Variants in PRPSAP2 observed in about 807,000 individuals in gnomAD.
PRPSAP2 encodes phosphoribosyl pyrophosphate synthetase associated protein 2, also known as phosphoribosyl pyrophosphate synthase-associated protein 2.
A neutral mutation model predicts 40.6 loss-of-function variants in PRPSAP2; 24 were observed. That is an observed-to-expected ratio of 0.59 (90% CI 0.43 to 0.83). The LOEUF is 0.83. Ranked by LOEUF, PRPSAP2 falls within the 40% of genes least tolerant of loss-of-function variation. The probability of loss-of-function intolerance (pLI) is 0.00; values close to 1 mark genes in which losing one functional copy is unlikely to be tolerated. For synonymous variants in PRPSAP2, 149 were observed against 164.7 expected (o/e 0.90, Z 0.73); for missense variants, 292 against 465.6 (o/e 0.63, Z 3.43).
At chr17:18,905,186 G>A (rs1385432904) in intron 8 of PRPSAP2, 1 of 151,974 alleles carries the variant, frequency 6.6e-6, no homozygotes, top group East Asian at 1.9e-4. Flanking sequence ...ACCATGCCTG[G>A]GTAATTTTTT....
intron 1 of PRPSAP2, chr17:18,861,503 C>T (rs2037016598): frequency 6.6e-6 from 1 of 151,874 alleles, no homozygotes; most frequent in Non-Finnish European, 1.5e-5. Flanking sequence ...ATAAACAGCC[C>T]TTATGTTTGA....
chr17:18,916,401 A>G (rs1240258036), intron 9 of PRPSAP2, among the ~76,000 whole-genome samples: 2 of 147,790 alleles, frequency 1.4e-5, no homozygotes, highest in Non-Finnish European at 3.0e-5. Context: ...TTGAGACGGA[A>G]TTTCGCTCTT....
At chr17:18,872,159 G>A (rs1232268461) in intron 4 of PRPSAP2, among the ~76,000 whole-genome samples, 2 of 151,942 alleles carry the variant, frequency 1.3e-5, no homozygotes, top group Non-Finnish European at 2.9e-5. Context: ...TGTAGTTCCA[G>A]CCACTCGGGA....
chr17:18,868,576 A>G (rs2037602637), intron 4 of PRPSAP2, among the ~76,000 whole-genome samples: 1 of 152,096 alleles, frequency 6.6e-6, no homozygotes, highest in African/African-American at 2.4e-5. Flanking sequence ...AAGTTATTTA[A>G]CCTTTCTAAA....
chr17:18,913,175 C>T (rs1275648869), intron 9 of PRPSAP2, among the ~76,000 whole-genome samples: 1 of 152,182 alleles, frequency 6.6e-6, no homozygotes, highest in East Asian at 1.9e-4. Flanking sequence ...CTCTGGTGGC[C>T]CTGCCCTTGT....
At position 18,867,699 on chromosome 17, in the gene PRPSAP2, C is replaced by T. The variant is rs115752597; in HGVS notation, c.172+365C>T. ...TCACCTTAGACAGGATGACTAAATC[C>T]TGTGTGACCGCAGTTTTAGTTAGTC... On this transcript the variant is annotated intron_variant, in intron 4 of 11. Coordinates refer to ENST00000268835, the MANE Select transcript of PRPSAP2 (RefSeq NM_002767.4). Among the ~76,000 whole-genome samples, 351 of 152,292 alleles carry T rather than the reference C, an allele frequency of 2.3e-3. 2 individuals are homozygous for T. The highest frequency in any genetic ancestry group is 8.1e-3 in the African/African-American group (338 of 41,564).
chr17:18,866,119 A>G (rs1480659819), intron 3 of PRPSAP2, among the ~76,000 whole-genome samples, 167 bp downstream of exon 3: 2 of 151,902 alleles, frequency 1.3e-5, no homozygotes, highest in African/African-American at 2.4e-5. Context: ...CAAGATGTTC[A>G]TGTAGTATGT....
intron 8 of PRPSAP2, among the ~76,000 whole-genome samples, chr17:18,900,966 A>T (rs1185076007): frequency 2.0e-5 from 3 of 152,040 alleles, no homozygotes; most frequent in African/African-American, 7.2e-5. Context: ...AGTGAGGGTG[A>T]AAGTCCCAGC....
intron 8 of PRPSAP2, among the ~76,000 whole-genome samples, chr17:18,897,294 T>G (rs1435139105): frequency 6.6e-6 from 1 of 152,190 alleles, no homozygotes; most frequent in Non-Finnish European, 1.5e-5. Context: ...GCTGTTTTTC[T>G]TAAACACTCC....
intron 4 of PRPSAP2, among the ~76,000 whole-genome samples, chr17:18,872,121 CAGTT>C (rs1268152905): frequency 2.0e-5 from 3 of 151,900 alleles, no homozygotes; most frequent in Non-Finnish European, 2.9e-5. Context: ...AAATACAAAA[CAGTT>C]AGCTGGATGT....
intron 8 of PRPSAP2, chr17:18,908,750 T>A: frequency 1.4e-6 from 1 of 726,584 alleles, no homozygotes; most frequent in Non-Finnish European, 2.5e-6. Flanking sequence ...AAGAAAGAGA[T>A]CGGAGAGAAA....
chr17:18,911,365 T>G lies in PRPSAP2; in HGVS notation c.733+114T>G, dbSNP rs1184865883. On this transcript the variant is annotated intron_variant, in intron 9 of 11. Transcript: ENST00000268835. This position sits in a 1 kb window ranked among gnomAD's most constrained non-coding sequence, Gnocchi z 4.5. ...TTTTTTTTTAGTTGGCAAAAACTCA[T>G]TAACACCTTTCTTGGCCAGATAGTA... 1.6e-6 allele frequency: 2 copies of G among 1,274,232 alleles called. No homozygotes were observed. Among genetic ancestry groups the G allele is most frequent in the Non-Finnish European group, 1.1e-6 (1 of 944,936 alleles). 78.9% of individuals were successfully genotyped at this position (1,274,232 alleles called of 1,614,324 possible). A position where few individuals can be genotyped will look rare whatever the true frequency, so the allele number is the denominator to read the frequency against.
intron 5 of PRPSAP2, among the ~76,000 whole-genome samples, chr17:18,875,881 CCA>C (rs2038263684): frequency 1.3e-5 from 2 of 151,504 alleles, no homozygotes; most frequent in South Asian, 4.2e-4. Flanking sequence ...GCCTGTAATC[CCA>C]CCACTTTGGG....
chr17:18,915,086 G>A (rs1192518366), intron 9 of PRPSAP2, among the ~76,000 whole-genome samples: 1 of 146,836 alleles, frequency 6.8e-6, no homozygotes, highest in Non-Finnish European at 1.5e-5. Context: ...GTGCAGTGGT[G>A]TGATCACAGC....
chr17:18,887,337 C>T (rs2039240312), intron 7 of PRPSAP2, among the ~76,000 whole-genome samples: 1 of 152,012 alleles, frequency 6.6e-6, no homozygotes, highest in Non-Finnish European at 1.5e-5. Flanking sequence ...TGGGTTCAAA[C>T]AATTCTCCGG....
intron 3 of PRPSAP2, among the ~76,000 whole-genome samples, chr17:18,866,941 A>AC (rs1437563316): frequency 6.6e-6 from 1 of 151,460 alleles, no homozygotes; most frequent in Non-Finnish European, 1.5e-5. Context: ...TGGAGGCAGA[A>AC]CCCCCCCAAG....
intron 4 of PRPSAP2, 106 bp from the exon 5 acceptor site, chr17:18,872,477 A>C: frequency 1.2e-6 from 1 of 811,100 alleles, no homozygotes; most frequent in South Asian, 1.6e-5. Flanking sequence ...TAACAGTTTG[A>C]GTTGCCATAT....
intron 10 of PRPSAP2, among the ~76,000 whole-genome samples, chr17:18,926,491 A>G (rs1050973354): frequency 5.3e-5 from 8 of 150,996 alleles, no homozygotes; most frequent in Non-Finnish European, 1.2e-4. Context: ...CTGGTTTCGA[A>G]CTCCTGACCT....
chr17:18,926,236 ATTATTTATTTAT>A (rs35064082), intron 10 of PRPSAP2, among the ~76,000 whole-genome samples: 11,434 of 145,162 alleles, frequency 0.079, 520 homozygotes, highest in Middle Eastern at 0.14. Flanking sequence ...GTGCCACTGC[ATTATTTATTTAT>A]TTATTTATTT....
Sources: allele counts gnomAD v4.1 joint callset (sites outside exome capture counted in the v4.1 genomes callset), GRCh38; gene constraint gnomAD v4.1.1; non-coding constraint Gnocchi (gnomAD v3.1); transcripts MANE v1.5; gene names NCBI Gene and HGNC (gene_info 2026-07-23, HGNC 2026-07-21).